The following FSTL5 variants were observed in gnomAD, a reference collection of about 807,000 sequenced individuals.
The protein encoded by FSTL5 is follistatin like 5, also known as follistatin-related protein 5.
Under a neutral mutation model 89.1 loss-of-function variants are expected in FSTL5, and 62 were observed. The ratio of observed to expected loss-of-function variants is 0.70; its 90% confidence interval spans 0.57 to 0.86. FSTL5 has a LOEUF of 0.86. FSTL5 is among the 40% of genes least tolerant of loss of function. The pLI is 0.00. For synonymous variants in FSTL5, 383 were observed against 346.2 expected (o/e 1.11, Z -1.18); for missense variants, 1,057 against 1,001.6 (o/e 1.06, Z -0.75).
intron 1 of FSTL5, among the ~76,000 whole-genome samples, chr4:162,129,221 C>T (rs1050884411): frequency 3.9e-5 from 6 of 152,298 alleles, no homozygotes; most frequent in Non-Finnish European, 5.9e-5. Flanking sequence ...GTGTGAACGA[C>T]GGCGCCTGGC....
At position 161,684,314 on chromosome 4, in the gene FSTL5, ATGGTAG is replaced by A. The variant is rs1216757728; in HGVS notation, c.728-27826_728-27821del. On this transcript the variant is annotated intron_variant, in intron 6 of 15. Transcript: ENST00000306100. ...CCCAGTAGTGGGATTGCTGGATCAA[ATGGTAG>A]TTCTACTTTTAGATCTTTAAGGAAT... Among the ~76,000 whole-genome samples, 6 of 152,310 alleles carry A rather than the reference ATGGTAG, an allele frequency of 3.9e-5. No individual in the cohort carries two copies. The East Asian group carries it at 1.2e-3, about 29-fold the overall frequency.
intron 4 of FSTL5, among the ~76,000 whole-genome samples, chr4:161,911,144 A>G (rs1392403133): frequency 6.6e-6 from 1 of 152,156 alleles, no homozygotes; most frequent in Non-Finnish European, 1.5e-5. Context: ...TGGATTTTCG[A>G]AAGTCATTAT....
chr4:161,387,748 C>G (rs182058142), intron 15 of FSTL5: 1 of 151,858 alleles, frequency 6.6e-6, no homozygotes, highest in Non-Finnish European at 1.5e-5. Context: ...AGATGTTTTA[C>G]GAAAATAGAC....
At chr4:161,577,734 C>T (rs1182479378) in intron 8 of FSTL5, among the ~76,000 whole-genome samples, 1 of 152,100 alleles carries the variant, frequency 6.6e-6, no homozygotes, top group Non-Finnish European at 1.5e-5. Flanking sequence ...TAGGATGAAA[C>T]TATTCAAAAT....
In FSTL5 at chr4:161,710,534, T is replaced by C. The variant is rs140053017; in HGVS notation, c.727+48877A>G. On this transcript the variant is annotated intron_variant, in intron 6 of 15. Transcript: ENST00000306100. Reference sequence around the variant, plus strand: ...TTATATGGCTTCCTTTTTTGTTGTATTATCTGCATTATCTGGCACCATTAA... The same window carrying C: ...TTATATGGCTTCCTTTTTTGTTGTACTATCTGCATTATCTGGCACCATTAA... 4.3e-3 allele frequency among the ~76,000 whole-genome samples: 656 copies of C among 152,286 alleles called. 1 individual carries two copies. The highest frequency in any genetic ancestry group is 7.6e-3 in the Non-Finnish European group (514 of 68,012).
chr4:161,782,071 T>G (rs902883320), intron 4 of FSTL5, among the ~76,000 whole-genome samples: 6 of 152,184 alleles, frequency 3.9e-5, no homozygotes, highest in African/African-American at 1.4e-4. Context: ...CATGACCTGA[T>G]AGCTCACTTC....
At chr4:161,953,741 C>T (rs1420742636) in intron 3 of FSTL5, among the ~76,000 whole-genome samples, 2 of 151,500 alleles carry the variant, frequency 1.3e-5, no homozygotes, top group Non-Finnish European at 3.0e-5. Flanking sequence ...GAACAAAAAG[C>T]ACAAAATAGC....
At chr4:162,061,809 T>G (rs12643883) in intron 2 of FSTL5, among the ~76,000 whole-genome samples, 8,077 of 152,218 alleles carry the variant, frequency 0.053, 395 homozygotes, top group East Asian at 0.24. Flanking sequence ...GATATAGTAC[T>G]ACTAGCATAA....
intron 1 of FSTL5, among the ~76,000 whole-genome samples, chr4:162,129,498 A>G (rs894929200): frequency 1.3e-5 from 2 of 152,230 alleles, no homozygotes; most frequent in Non-Finnish European, 2.9e-5. Context: ...TTCTTAATTA[A>G]AGCACAGTAA....
chr4:161,424,999 T>G (rs971891696), intron 15 of FSTL5, among the ~76,000 whole-genome samples: 2 of 152,208 alleles, frequency 1.3e-5, no homozygotes, highest in African/African-American at 2.4e-5. Context: ...TGTTTTGCCA[T>G]TGCCCAGTGT....
chr4:161,873,350 T>C (rs1049691096), intron 4 of FSTL5, among the ~76,000 whole-genome samples: 2 of 152,130 alleles, frequency 1.3e-5, no homozygotes, highest in African/African-American at 4.8e-5. Flanking sequence ...AAGAACCTAC[T>C]ATCAGTACGC....
chr4:161,471,975 T>C (rs1733956736), intron 13 of FSTL5, among the ~76,000 whole-genome samples: 1 of 122,428 alleles, frequency 8.2e-6, no homozygotes, highest in African/African-American at 3.1e-5. Flanking sequence ...TCAATTTTCT[T>C]GATCTTTTTT....
intron 4 of FSTL5, among the ~76,000 whole-genome samples, chr4:161,824,747 T>C (rs182953546): frequency 1.3e-5 from 2 of 152,280 alleles, no homozygotes; most frequent in Admixed American, 6.5e-5. Context: ...TTGGTCACCA[T>C]TGGTGTATAG....
rs1442676279 is a variant in FSTL5 at position 161,565,930 on chromosome 4, G to C, written c.1015+21525C>G. Among the ~76,000 whole-genome samples, 9 of 151,150 alleles carry C rather than the reference G, an allele frequency of 6.0e-5. No homozygotes were observed. The South Asian group carries it at 1.2e-3, about 21-fold the overall frequency. On this transcript the variant is annotated intron_variant, in intron 8 of 15. Transcript: ENST00000306100. The stretch of plus-strand genomic sequence containing the variant: ...GACCTGTTTTTCTTTGGGTATATAT[G>C]TAGGAGTAGGATTGCTGGGTTGAAT...
chr4:161,613,914 T>C (rs1734746642), intron 7 of FSTL5, among the ~76,000 whole-genome samples: 1 of 151,898 alleles, frequency 6.6e-6, no homozygotes. Flanking sequence ...AGTTTAATTA[T>C]ATACATCACT....
chr4:161,548,119 T>C (rs1442070306), intron 8 of FSTL5, among the ~76,000 whole-genome samples: 1 of 151,888 alleles, frequency 6.6e-6, no homozygotes, highest in Non-Finnish European at 1.5e-5. Flanking sequence ...ATTTTATCCA[T>C]CAAATCTTTT....
intron 4 of FSTL5, among the ~76,000 whole-genome samples, chr4:161,785,551 A>G (rs1741874024): frequency 6.6e-6 from 1 of 152,200 alleles, no homozygotes; most frequent in Non-Finnish European, 1.5e-5. Context: ...AAATCAAATG[A>G]TGATACAATT....
intron 6 of FSTL5, among the ~76,000 whole-genome samples, chr4:161,736,339 A>G (rs138570141): frequency 4.6e-5 from 7 of 152,228 alleles, no homozygotes; most frequent in Admixed American, 4.6e-4. Flanking sequence ...ATGTATTATT[A>G]TTACATAAAT....
At chr4:161,477,450 T>G (rs1056972527) in intron 13 of FSTL5, among the ~76,000 whole-genome samples, 6 of 150,530 alleles carry the variant, frequency 4.0e-5, no homozygotes, top group South Asian at 2.1e-4. Context: ...TTATTACACT[T>G]TATGCAATTA....
Sources: allele counts gnomAD v4.1 joint callset (sites outside exome capture counted in the v4.1 genomes callset), GRCh38; gene constraint gnomAD v4.1.1; transcripts MANE v1.5; gene names NCBI Gene and HGNC (gene_info 2026-07-23, HGNC 2026-07-21).